Variants in ARHGEF28 observed in about 807,000 individuals in gnomAD.
The protein encoded by ARHGEF28 is Rho guanine nucleotide exchange factor 28, also known as 190 kDa guanine nucleotide exchange factor.
ARHGEF28 carries 152 observed loss-of-function variants against 206.6 expected under a neutral mutation model. The observed-to-expected ratio is 0.74, with a 90% confidence interval of 0.64 to 0.84. The LOEUF is 0.84. Ranked by LOEUF, ARHGEF28 falls within the 40% of genes least tolerant of loss-of-function variation. The pLI is 0.00. For synonymous variants in ARHGEF28, 763 were observed against 776.4 expected (o/e 0.98, Z 0.29); for missense variants, 2,028 against 2,073.2 (o/e 0.98, Z 0.42).
At chr5:73,641,375 A>T (rs1419977958) in intron 1 of ARHGEF28, among the ~76,000 whole-genome samples, 1 of 151,460 alleles carries the variant, frequency 6.6e-6, no homozygotes, top group South Asian at 2.1e-4. Flanking sequence ...ATTAGTGGGC[A>T]TAATGAAAAA....
chr5:73,894,390 T>C lies in ARHGEF28; in HGVS notation c.3659-3T>C. The C allele has an allele frequency of 3.1e-6, 5 of 1,600,526 alleles. No individual in the cohort carries two copies. The South Asian group carries it at 3.4e-5, about 11-fold the overall frequency. ...ATCTTCTATGGTAAATACTATTTCA[T>C]AGAAATACTCACTAACCAAGACCAA... On this transcript the variant is annotated splice_polypyrimidine_tract_variant and splice_region_variant and intron_variant, in intron 28 of 35. Transcript: ENST00000513042.
At chr5:73,708,170 T>C (rs1177050542) in intron 2 of ARHGEF28, among the ~76,000 whole-genome samples, 2 of 151,112 alleles carry the variant, frequency 1.3e-5, no homozygotes, top group African/African-American at 4.9e-5. Flanking sequence ...CAAAACACTT[T>C]AGCTTTACTG....
At chr5:73,655,554 A>G (rs1745137770) in intron 1 of ARHGEF28, among the ~76,000 whole-genome samples, 1 of 152,228 alleles carries the variant, frequency 6.6e-6, no homozygotes, top group Admixed American at 6.5e-5. Flanking sequence ...ATAGAATTTC[A>G]TTGTCCCTTT....
At chr5:73,649,328 C>A (rs1246527806) in intron 1 of ARHGEF28, among the ~76,000 whole-genome samples, 1 of 152,070 alleles carries the variant, frequency 6.6e-6, no homozygotes, top group Non-Finnish European at 1.5e-5. Context: ...GGAAGGAGCA[C>A]CTGATCCAGA....
At chr5:73,877,882 G>GA (rs796881517) in intron 22 of ARHGEF28, among the ~76,000 whole-genome samples, 4 of 152,142 alleles carry the variant, frequency 2.6e-5, no homozygotes, top group South Asian at 2.1e-4. Context: ...GTGGTGTGCT[G>GA]AAAAAAATAT....
At chr5:73,752,441 C>A (rs940585318) in intron 3 of ARHGEF28, among the ~76,000 whole-genome samples, 6 of 152,114 alleles carry the variant, frequency 3.9e-5, no homozygotes, top group Admixed American at 3.9e-4. Flanking sequence ...AACTCACATT[C>A]AAAGGAGCTC....
chr5:73,864,273 T>C (rs911147939), intron 16 of ARHGEF28, among the ~76,000 whole-genome samples: 1 of 152,228 alleles, frequency 6.6e-6, no homozygotes, highest in African/African-American at 2.4e-5. Flanking sequence ...GCCCATTGTT[T>C]ATGATATAAA....
At chr5:73,639,262 T>A (rs1004670087) in intron 1 of ARHGEF28, among the ~76,000 whole-genome samples, 3 of 149,104 alleles carry the variant, frequency 2.0e-5, no homozygotes, top group Non-Finnish European at 3.0e-5. Context: ...ATACATCCTT[T>A]TTTTTACAAT....
At chr5:73,632,742 T>G (rs933163917) in intron 1 of ARHGEF28, among the ~76,000 whole-genome samples, 82 of 152,316 alleles carry the variant, frequency 5.4e-4, no homozygotes, top group African/African-American at 1.9e-3. Flanking sequence ...ATTGGACATA[T>G]TCCAATTCAC....
At chr5:73,846,166 C>A (rs149937379) in intron 11 of ARHGEF28, 102 bp from the exon 12 acceptor site, 1 of 1,058,438 alleles carries the variant, frequency 9.4e-7, no homozygotes. Flanking sequence ...CTATTGCACC[C>A]CCCCCGCCCC....
rs78541748 is a variant in ARHGEF28 at position 73,853,034 on chromosome 5, T to C, written c.1790+342T>C. Among the ~76,000 whole-genome samples the C allele has an allele frequency of 2.5e-3, 385 of 152,354 alleles. 12 individuals are homozygous for C. The East Asian group carries it at 0.066, about 26-fold the overall frequency. ...TCCACCATGACAAGGGGACTTACTT[T>C]AGTAACAGAACCCTGGGTGGTCAAT... is the stretch of plus-strand genomic sequence containing the variant. On this transcript the variant is annotated intron_variant, in intron 14 of 35. Coordinates refer to ENST00000513042, the MANE Select transcript of ARHGEF28 (RefSeq NM_001177693.2).
intron 7 of ARHGEF28, among the ~76,000 whole-genome samples, chr5:73,790,150 A>G (rs1347704040): frequency 6.6e-6 from 1 of 151,998 alleles, no homozygotes; most frequent in Non-Finnish European, 1.5e-5. Flanking sequence ...GAGCAATGGA[A>G]AAAGATCCTT....
intron 6 of ARHGEF28, 25 bp from the exon 7 acceptor site, chr5:73,780,649 GTT>G (rs35525194): frequency 2.8e-5 from 40 of 1,421,172 alleles, no homozygotes; most frequent in Non-Finnish European, 3.0e-5. Flanking sequence ...GTGCTTTTTT[GTT>G]TTTTTTTTCC....
chr5:73,784,943 A>G (rs1011664746), intron 7 of ARHGEF28, among the ~76,000 whole-genome samples: 15 of 152,218 alleles, frequency 9.9e-5, no homozygotes, highest in Non-Finnish European at 5.9e-5. Flanking sequence ...ACTAAGAGCT[A>G]CTGAGAGACT....
At chr5:73,752,425 C>T (rs59192691) in intron 3 of ARHGEF28, among the ~76,000 whole-genome samples, 13,231 of 152,148 alleles carry the variant, frequency 0.087, 1,120 homozygotes, top group African/African-American at 0.23. Flanking sequence ...AGTCTTCACC[C>T]ACCTTAACTC....
intron 9 of ARHGEF28, among the ~76,000 whole-genome samples, chr5:73,798,572 C>T (rs1351836149): frequency 3.3e-5 from 5 of 152,004 alleles, no homozygotes; most frequent in South Asian, 2.1e-4. Context: ...GGCATTTTGT[C>T]GAAGGGGAGA....
intron 6 of ARHGEF28, among the ~76,000 whole-genome samples, chr5:73,779,072 A>G (rs74961734): frequency 0.026 from 3,937 of 152,306 alleles, 66 homozygotes; most frequent in Admixed American, 0.038. Flanking sequence ...GCTTTACAAT[A>G]TATAAGAGCT....
intron 35 of ARHGEF28, among the ~76,000 whole-genome samples, chr5:73,914,617 G>T (rs985098837): frequency 1.3e-5 from 2 of 151,988 alleles, no homozygotes; most frequent in Admixed American, 6.6e-5. Flanking sequence ...GGCTGGTCTC[G>T]AACTCCTGAC....
rs1034810510 is a variant in ARHGEF28 at position 73,941,715 on chromosome 5, G to A, written c.*702G>A. Reference sequence around the variant, plus strand: ...TTGATGTAAATAGTGAACTTTGTTAGAGCCCTCACTTCTATCAATCAGCTG... The same window carrying A: ...TTGATGTAAATAGTGAACTTTGTTAAAGCCCTCACTTCTATCAATCAGCTG... On this transcript the variant is annotated 3_prime_UTR_variant, in exon 36 of 36. Coordinates refer to ENST00000513042, the MANE Select transcript of ARHGEF28 (RefSeq NM_001177693.2). 2.0e-5 allele frequency: 3 copies of A among 152,190 alleles called. No individual in the cohort carries two copies. The highest frequency in any genetic ancestry group is 7.2e-5 in the African/African-American group (3 of 41,436). 9.4% of individuals were successfully genotyped at this position (152,190 alleles called of 1,614,324 possible).
Sources: allele counts gnomAD v4.1 joint callset (sites outside exome capture counted in the v4.1 genomes callset), GRCh38; gene constraint gnomAD v4.1.1; transcripts MANE v1.5; gene names NCBI Gene and HGNC (gene_info 2026-07-23, HGNC 2026-07-21).